The following ADARB2 variants were observed in gnomAD, a reference collection of about 807,000 sequenced individuals.
ADARB2 encodes the protein adenosine deaminase RNA specific B2 (inactive), also known as inactive double-stranded RNA-specific editase B2.
A neutral mutation model predicts 62.2 loss-of-function variants in ADARB2; 25 were observed. That is an observed-to-expected ratio of 0.40 (90% CI 0.29 to 0.56). The LOEUF (loss-of-function observed/expected upper bound fraction) is 0.56. Ranked by LOEUF, ADARB2 falls within the 20% of genes least tolerant of loss-of-function variation. The pLI is 0.43. For missense variants in ADARB2, 1,071 were observed against 1,077.4 expected (o/e 0.99, Z 0.08); for synonymous variants, 572 against 500.8 (o/e 1.14, Z -1.90).
At chr10:1,659,086 C>T (rs763138928) in intron 1 of ADARB2, among the ~76,000 whole-genome samples, 14 of 152,088 alleles carry the variant, frequency 9.2e-5, no homozygotes, top group South Asian at 2.1e-4. Context: ...TAAAAAATTG[C>T]TAATTATAAT....
chr10:1,472,340 A>G (rs1317456770), intron 1 of ADARB2, among the ~76,000 whole-genome samples: 1 of 152,184 alleles, frequency 6.6e-6, no homozygotes, highest in Admixed American at 6.5e-5. Flanking sequence ...CTCAGGGGTC[A>G]GCCAGGTGTG....
At chr10:1,684,526 A>G (rs1834577081) in intron 1 of ADARB2, among the ~76,000 whole-genome samples, 1 of 152,178 alleles carries the variant, frequency 6.6e-6, no homozygotes, top group Non-Finnish European at 1.5e-5. Context: ...TTTTCTTAAG[A>G]TATTTCTGTC....
At chr10:1,212,328 C>T (rs1837165510) in intron 7 of ADARB2, among the ~76,000 whole-genome samples, 1 of 152,244 alleles carries the variant, frequency 6.6e-6, no homozygotes, top group East Asian at 1.9e-4. Flanking sequence ...ATAACATATG[C>T]TGCTGCTCAG....
At chr10:1,297,756 C>T (rs764857048) in intron 3 of ADARB2, among the ~76,000 whole-genome samples, 14 of 152,348 alleles carry the variant, frequency 9.2e-5, no homozygotes, top group Non-Finnish European at 1.5e-4. Flanking sequence ...CCTCGGTAAG[C>T]CCTGAAACTC....
chr10:1,650,672 C>G (rs540512875), intron 1 of ADARB2, among the ~76,000 whole-genome samples: 2 of 152,206 alleles, frequency 1.3e-5, no homozygotes, highest in South Asian at 4.1e-4. Context: ...CTCCACCGAC[C>G]GTCCACGAGG....
At chr10:1,601,578 A>G (rs141604113) in intron 1 of ADARB2, among the ~76,000 whole-genome samples, 80 of 152,340 alleles carry the variant, frequency 5.3e-4, no homozygotes, top group African/African-American at 1.9e-3. Flanking sequence ...TTCCTTTTGC[A>G]TGAAACTTGG....
At chr10:1,225,714 T>A (rs1428472394) in intron 6 of ADARB2, among the ~76,000 whole-genome samples, 2 of 144,012 alleles carry the variant, frequency 1.4e-5, no homozygotes, top group Non-Finnish European at 3.2e-5. Context: ...AAAATTCTTT[T>A]CTTTAAGAAT....
intron 1 of ADARB2, among the ~76,000 whole-genome samples, chr10:1,660,010 G>C (rs1193001092): frequency 5.9e-5 from 9 of 151,952 alleles, no homozygotes; most frequent in African/African-American, 2.2e-4. Context: ...CCACTGTCCT[G>C]TGAGACCCCG....
intron 6 of ADARB2, among the ~76,000 whole-genome samples, chr10:1,222,858 C>T (rs1471318339): frequency 2.0e-5 from 3 of 149,558 alleles, no homozygotes; most frequent in African/African-American, 2.5e-5. Flanking sequence ...ATGATGCCTC[C>T]AGCTTTGTTC....
At chr10:1,599,240 T>C (rs1305779706) in intron 1 of ADARB2, among the ~76,000 whole-genome samples, 1 of 152,122 alleles carries the variant, frequency 6.6e-6, no homozygotes, top group Non-Finnish European at 1.5e-5. Context: ...GAAACAAAGA[T>C]GGAAAGGCCG....
intron 3 of ADARB2, among the ~76,000 whole-genome samples, chr10:1,334,462 CAT>C (rs1162201440): frequency 2.6e-5 from 4 of 152,128 alleles, no homozygotes; most frequent in Non-Finnish European, 5.9e-5. Flanking sequence ...GGTGCACACA[CAT>C]GTGCAAGTGT....
intron 7 of ADARB2, among the ~76,000 whole-genome samples, chr10:1,212,123 G>C (rs1472976636): frequency 2.0e-5 from 3 of 152,248 alleles, no homozygotes; most frequent in East Asian, 3.9e-4. Flanking sequence ...AGCCCTGACT[G>C]TCATTAACTC....
intron 1 of ADARB2, among the ~76,000 whole-genome samples, chr10:1,652,232 C>T (rs1246002639): frequency 6.6e-6 from 1 of 152,236 alleles, no homozygotes; most frequent in Admixed American, 6.5e-5. Context: ...GACAGCTCAG[C>T]ATGGCTGCCC....
At chr10:1,717,668 C>T (rs1835037275) in intron 1 of ADARB2, among the ~76,000 whole-genome samples, 1 of 152,024 alleles carries the variant, frequency 6.6e-6, no homozygotes, top group South Asian at 2.1e-4. Context: ...ACCTCCTCCT[C>T]CCGGGTTCAG....
At chr10:1,561,402 T>C (rs772332708) in intron 1 of ADARB2, among the ~76,000 whole-genome samples, 2 of 152,254 alleles carry the variant, frequency 1.3e-5, no homozygotes, top group Non-Finnish European at 2.9e-5. Context: ...TTTTTGGAAT[T>C]GACTTCATAC....
At chr10:1,449,891 G>T (rs1225720748) in intron 1 of ADARB2, among the ~76,000 whole-genome samples, 1 of 152,240 alleles carries the variant, frequency 6.6e-6, no homozygotes, top group Non-Finnish European at 1.5e-5. Flanking sequence ...GAGTAGAAAA[G>T]AAAACATCTG....
chr10:1,208,780 A>G (rs552504272), intron 7 of ADARB2, among the ~76,000 whole-genome samples: 31 of 152,334 alleles, frequency 2.0e-4, no homozygotes, highest in Admixed American at 5.9e-4. Flanking sequence ...TAAGTGCCAC[A>G]GGGAGGGCCT....
At chr10:1,332,173 G>A (rs987024622) in intron 3 of ADARB2, among the ~76,000 whole-genome samples, 1 of 152,234 alleles carries the variant, frequency 6.6e-6, no homozygotes, top group Non-Finnish European at 1.5e-5. Flanking sequence ...AGAAGCTGAA[G>A]CAGGCAGACT....
At chr10:1,725,198 T>C (rs1014187255) in intron 1 of ADARB2, among the ~76,000 whole-genome samples, 1 of 152,176 alleles carries the variant, frequency 6.6e-6, no homozygotes, top group Admixed American at 6.5e-5. Context: ...GTAAAATAGA[T>C]ACATCCAATC....
Sources: allele counts gnomAD v4.1 joint callset (sites outside exome capture counted in the v4.1 genomes callset), GRCh38; gene constraint gnomAD v4.1.1; transcripts MANE v1.5; gene names NCBI Gene and HGNC (gene_info 2026-07-23, HGNC 2026-07-21).